The following NKAIN2 variants were observed in gnomAD, a reference collection of about 807,000 sequenced individuals.
NKAIN2 encodes the protein sodium/potassium transporting ATPase interacting 2, also known as sodium/potassium-transporting ATPase subunit beta-1-interacting protein 2.
A neutral mutation model predicts 32.6 loss-of-function variants in NKAIN2; 14 were observed. The ratio of observed to expected loss-of-function variants is 0.43; its 90% CI spans 0.28 to 0.67. NKAIN2 has a LOEUF of 0.67. NKAIN2 is among the 30% of genes least tolerant of loss of function. The pLI, the probability that NKAIN2 is intolerant of heterozygous loss-of-function variation, is 0.17. For missense variants in NKAIN2, 198 were observed against 258.3 expected (o/e 0.77, Z 1.60); for synonymous variants, 80 against 87.2 (o/e 0.92, Z 0.46).
At chr6:124,694,749 T>C (rs955756307) in intron 4 of NKAIN2, among the ~76,000 whole-genome samples, 1 of 152,188 alleles carries the variant, frequency 6.6e-6, no homozygotes. Flanking sequence ...CATAGTTTAA[T>C]CTAGTCACTT....
At chr6:123,895,515 T>C (rs1258291009) in intron 1 of NKAIN2, among the ~76,000 whole-genome samples, 1 of 151,376 alleles carries the variant, frequency 6.6e-6, no homozygotes, top group Non-Finnish European at 1.5e-5. Flanking sequence ...CATCCTATGC[T>C]ATGAATCAGC....
intron 2 of NKAIN2, among the ~76,000 whole-genome samples, chr6:124,305,972 C>T (rs1796491748): frequency 1.3e-5 from 2 of 152,014 alleles, no homozygotes; most frequent in Admixed American, 6.6e-5. Context: ...TTTAATTTCT[C>T]CCAATTGTCC....
chr6:124,507,993 C>T (rs1778555184), intron 3 of NKAIN2, among the ~76,000 whole-genome samples: 1 of 152,028 alleles, frequency 6.6e-6, no homozygotes, highest in Non-Finnish European at 1.5e-5. Context: ...TAGCTTACGC[C>T]TGTAATCCCT....
chr6:123,907,056 C>A (rs756031197), intron 1 of NKAIN2, among the ~76,000 whole-genome samples: 2 of 152,174 alleles, frequency 1.3e-5, no homozygotes, highest in Admixed American at 1.3e-4. Context: ...CTCCTGTGAA[C>A]AGTGGCAATT....
At chr6:124,466,131 C>T (rs1776745051) in intron 3 of NKAIN2, among the ~76,000 whole-genome samples, 1 of 152,042 alleles carries the variant, frequency 6.6e-6, no homozygotes, top group Non-Finnish European at 1.5e-5. Flanking sequence ...TTTAGAATCC[C>T]AATTCAAGCA....
chr6:124,729,641 A>G lies in NKAIN2; in HGVS notation c.475-61698A>G, dbSNP rs1420128374. Among the ~76,000 whole-genome samples, 11 of 151,636 alleles carry G rather than the reference A, an allele frequency of 7.3e-5. No homozygotes were observed. In the South Asian group the frequency reaches 1.9e-3, roughly 26 times the overall value. On this transcript the variant is annotated intron_variant, in intron 4 of 6. Transcript: ENST00000368417. ...GAAACTGGAAGCATTCCCTTTGAAA[A>G]CTGGCACAAGACAGGGATGCCCTCT...
chr6:124,617,894 C>A (rs1782966538), intron 3 of NKAIN2, among the ~76,000 whole-genome samples: 1 of 151,804 alleles, frequency 6.6e-6, no homozygotes, highest in Admixed American at 6.6e-5. Context: ...GAATCTAGAC[C>A]GTCAAAGATA....
intron 4 of NKAIN2, among the ~76,000 whole-genome samples, chr6:124,717,754 A>T (rs574621972): frequency 3.3e-5 from 5 of 152,300 alleles, no homozygotes; most frequent in African/African-American, 9.6e-5. Context: ...TTCCACCATT[A>T]AAGGCCTACT....
chr6:124,282,513 C>T (rs1201359233), intron 1 of NKAIN2, among the ~76,000 whole-genome samples: 2 of 152,186 alleles, frequency 1.3e-5, no homozygotes, highest in Non-Finnish European at 2.9e-5. Context: ...TACTTAGTGG[C>T]AGACTCACGT....
chr6:124,346,656 C>A (rs372472578), intron 2 of NKAIN2, among the ~76,000 whole-genome samples: 1 of 151,464 alleles, frequency 6.6e-6, no homozygotes, highest in East Asian at 2.0e-4. Flanking sequence ...AGGATTGCAA[C>A]CCCTGCCTTT....
chr6:124,209,436 T>C (rs1327411707), intron 1 of NKAIN2, among the ~76,000 whole-genome samples: 11 of 151,882 alleles, frequency 7.2e-5, no homozygotes, highest in Admixed American at 7.2e-4. Flanking sequence ...CTCTTTAATA[T>C]ATTAAGTTCC....
At chr6:124,455,461 T>G (rs1310364464) in intron 3 of NKAIN2, among the ~76,000 whole-genome samples, 1 of 151,964 alleles carries the variant, frequency 6.6e-6, no homozygotes, top group Non-Finnish European at 1.5e-5. Context: ...AATGAATAAG[T>G]GGAAAATGAA....
At chr6:124,078,021 A>C (rs1454102994) in intron 1 of NKAIN2, among the ~76,000 whole-genome samples, 1 of 152,198 alleles carries the variant, frequency 6.6e-6, no homozygotes, top group Non-Finnish European at 1.5e-5. Flanking sequence ...ACTCCACATG[A>C]CAATGAATTG....
At chr6:123,898,521 G>T (rs1305204044) in intron 1 of NKAIN2, among the ~76,000 whole-genome samples, 1 of 149,020 alleles carries the variant, frequency 6.7e-6, no homozygotes, top group African/African-American at 2.5e-5. Flanking sequence ...GGTGCAAAAT[G>T]TCCAGATATC....
chr6:123,805,019 T>C lies in NKAIN2; in HGVS notation c.54+765T>C, dbSNP rs189497616. ...AATTCTATGTACTTTTTGAGGAATG[T>C]TGTACAGTTGCAAAGGGGCAAGGAA... On this transcript the variant is annotated intron_variant, in intron 1 of 6. Transcript: ENST00000368417. Among the ~76,000 whole-genome samples the C allele has an allele frequency of 1.6e-4, 24 of 152,280 alleles. No individual in the cohort carries two copies. In the East Asian group the frequency reaches 3.7e-3, roughly 23 times the overall value.
intron 3 of NKAIN2, among the ~76,000 whole-genome samples, chr6:124,619,043 T>C (rs76696346): frequency 2.0e-5 from 3 of 151,608 alleles, no homozygotes; most frequent in African/African-American, 7.3e-5. Context: ...AAAAAAAAAA[T>C]CACTCTCCTC....
At chr6:124,796,672 C>A (rs1455542938) in intron 5 of NKAIN2, among the ~76,000 whole-genome samples, 1 of 152,152 alleles carries the variant, frequency 6.6e-6, no homozygotes, top group African/African-American at 2.4e-5. Context: ...TAGCTTCTCA[C>A]CAGGATAAAA....
At chr6:124,533,564 T>C (rs1281832014) in intron 3 of NKAIN2, among the ~76,000 whole-genome samples, 1 of 151,588 alleles carries the variant, frequency 6.6e-6, no homozygotes, top group Non-Finnish European at 1.5e-5. Context: ...TCCACCTCTC[T>C]GTCTATATGA....
intron 3 of NKAIN2, among the ~76,000 whole-genome samples, chr6:124,510,357 C>CT (rs1055581421): frequency 6.6e-6 from 1 of 152,076 alleles, no homozygotes; most frequent in Non-Finnish European, 1.5e-5. Context: ...AGATATTTGA[C>CT]TTTTTTTCTT....
Sources: allele counts gnomAD v4.1 joint callset (sites outside exome capture counted in the v4.1 genomes callset), GRCh38; gene constraint gnomAD v4.1.1; transcripts MANE v1.5; gene names NCBI Gene and HGNC (gene_info 2026-07-23, HGNC 2026-07-21).